Variants in PXDN observed in about 807,000 individuals in gnomAD.
PXDN encodes peroxidasin, also known as peroxidasin homolog.
In PXDN, 77 loss-of-function variants were observed where a neutral mutation model predicts 140.3. The ratio of observed to expected loss-of-function variants is 0.55; its 90% CI spans 0.46 to 0.66. The LOEUF is 0.66. Ranked by LOEUF, PXDN falls within the 30% of genes least tolerant of loss-of-function variation. PXDN has a pLI of 0.00. For synonymous variants in PXDN, 911 were observed against 857.4 expected, an observed-to-expected ratio of 1.06 and a Z score of -1.09; for missense variants, 1,838 against 2,039.5, an observed-to-expected ratio of 0.90 and a Z score of 1.90.
chr2:1,639,383 TGATAG>T lies in PXDN; in HGVS notation c.3987_3991del (p.Tyr1330PhefsTer8), dbSNP rs759938778. Reference sequence around the variant, plus strand: ...CTCAAGAGACCGTCTGCCTCGGAAATGATAGGAAAAGGCATTGAACTGCCCCCTGG... The same window carrying T: ...CTCAAGAGACCGTCTGCCTCGGAAATGAAAAGGCATTGAACTGCCCCCTGG... On this transcript the variant is annotated frameshift_variant, in exon 20 of 23. Coordinates refer to ENST00000252804, the MANE Select transcript of PXDN (RefSeq NM_012293.3). LOFTEE classifies it high-confidence loss of function. The surrounding 1 kb of genome is among the most constrained non-coding windows in gnomAD (Gnocchi z 5.0). 1.9e-6 allele frequency: 3 copies of T among 1,613,998 alleles called. No individual in the cohort carries two copies. The highest frequency in any genetic ancestry group is 2.5e-6 in the Non-Finnish European group (3 of 1,179,866).
chr2:1,648,238 G>A lies in PXDN; in HGVS notation c.3542C>T (p.Ala1181Val), dbSNP rs536136666. The change falls in exon 17 of 23, where the codon GCG (alanine) becomes GTG (valine). Residue 1181 changes from alanine (A) to valine (V), a missense_variant. By Grantham distance (64) the Ala-to-Val change is moderately conservative. This residue lies in a region of PXDN where 850 missense variants were observed against 894.1 expected (regional missense o/e 0.95). Coordinates refer to ENST00000252804, the MANE Select transcript of PXDN (RefSeq NM_012293.3). This position sits in a 1 kb window ranked among gnomAD's most constrained non-coding sequence, Gnocchi z 8.9. Reference protein sequence around the residue: ...HDYRVYCNLSAAHTFEDLKNE... With the variant: ...HDYRVYCNLSVAHTFEDLKNE... ...TTTCAGGTCCTCGAACGTGTGTGCC[G>A]CCGATAGATTGCAGTAGACCCTGTA... The A allele has an allele frequency of 1.5e-5, 24 of 1,613,898 alleles. No individual in the cohort carries two copies. Among genetic ancestry groups the A allele is most frequent in the Middle Eastern group, 3.3e-4 (2 of 6,062 alleles).
chr2:1,638,821 G>A (rs748399775), intron 21 of PXDN, 25 bp downstream of exon 21: 1 of 1,613,776 alleles, frequency 6.2e-7, no homozygotes, highest in Non-Finnish European at 8.5e-7. Flanking sequence ...TGGAGTGGGG[G>A]GACACAGGCC....
Position 1,679,888 on chromosome 2 carries a change from ATAAATGGTGTGTGTG to A in PXDN, c.730+290_730+304del, listed in dbSNP as rs1285314220. On this transcript the variant is annotated intron_variant, in intron 7 of 22. Coordinates refer to ENST00000252804, the MANE Select transcript of PXDN (RefSeq NM_012293.3). ...GGTTTGTGTCTGCATGTGTGTGTCTATAAATGGTGTGTGTGTAAATGGTGTGTGTGTGGATGGTGT... is the reference window on the plus strand; with the variant it reads ...GGTTTGTGTCTGCATGTGTGTGTCTATAAATGGTGTGTGTGTGGATGGTGT... 1.4e-4 allele frequency among the ~76,000 whole-genome samples: 19 copies of A among 131,202 alleles called. No individual in the cohort carries two copies. In the East Asian group the frequency reaches 2.2e-3, roughly 15 times the overall value. 86.1% of individuals were successfully genotyped at this position (131,202 alleles called of 152,430 possible).
chr2:1,734,455 T>C (rs1685385316), intron 1 of PXDN, among the ~76,000 whole-genome samples: 1 of 152,212 alleles, frequency 6.6e-6, no homozygotes, highest in Non-Finnish European at 1.5e-5. Context: ...CGGCAATTTC[T>C]GAAAATAAGA....
chr2:1,715,015 T>TA (rs1391360799), intron 1 of PXDN, among the ~76,000 whole-genome samples: 2 of 152,094 alleles, frequency 1.3e-5, no homozygotes, highest in Admixed American at 6.6e-5. Context: ...ATCCCCGGCT[T>TA]ACAAATAAAC....
chr2:1,668,065 C>T (rs1683487642), intron 9 of PXDN, among the ~76,000 whole-genome samples: 1 of 152,174 alleles, frequency 6.6e-6, no homozygotes, highest in Non-Finnish European at 1.5e-5. Context: ...TACAAGGCTA[C>T]AGGAACCAAA....
chr2:1,680,628 G>C (rs1383454831), intron 6 of PXDN, among the ~76,000 whole-genome samples: 1 of 152,224 alleles, frequency 6.6e-6, no homozygotes, highest in Non-Finnish European at 1.5e-5. Context: ...GAGTAGCATA[G>C]GGCTTGTGCA....
intron 1 of PXDN, among the ~76,000 whole-genome samples, chr2:1,730,518 C>T (rs1572200798): frequency 6.6e-6 from 1 of 152,180 alleles, no homozygotes; most frequent in African/African-American, 2.4e-5. Flanking sequence ...ACAGGAAGAG[C>T]CGGGGCTCCT....
At chr2:1,643,083 AG>A (rs1412008581) in intron 19 of PXDN, among the ~76,000 whole-genome samples, 1 of 152,334 alleles carries the variant, frequency 6.6e-6, no homozygotes, top group East Asian at 1.9e-4. Context: ...AGGAAAAATT[AG>A]GGGCACATCT....
chr2:1,695,711 C>T (rs1379474692), intron 1 of PXDN, among the ~76,000 whole-genome samples: 1 of 61,494 alleles, frequency 1.6e-5, no homozygotes, highest in Non-Finnish European at 3.1e-5. Context: ...CTGTCCCATC[C>T]ACAGGCCCCT....
intron 1 of PXDN, among the ~76,000 whole-genome samples, chr2:1,718,084 C>T (rs904591005): frequency 6.6e-6 from 1 of 151,790 alleles, no homozygotes; most frequent in Admixed American, 6.6e-5. Flanking sequence ...CTCCACTAAC[C>T]GACCACCCAA....
intron 8 of PXDN, among the ~76,000 whole-genome samples, chr2:1,675,455 G>C (rs138844054): frequency 6.6e-6 from 1 of 152,190 alleles, no homozygotes; most frequent in Non-Finnish European, 1.5e-5. Context: ...AATTCCTCCA[G>C]TGTTCTCTGG....
intron 1 of PXDN, among the ~76,000 whole-genome samples, chr2:1,701,902 G>GA: frequency 6.6e-6 from 1 of 152,260 alleles, no homozygotes; most frequent in East Asian, 1.9e-4. Flanking sequence ...TCCCTTCTCT[G>GA]AACCCGGGTG....
chr2:1,709,268 G>A (rs1314846385), intron 1 of PXDN, among the ~76,000 whole-genome samples: 6 of 152,168 alleles, frequency 3.9e-5, no homozygotes, highest in South Asian at 4.1e-4. Flanking sequence ...TGACCACGGC[G>A]CTCGCTGCAG....
chr2:1,678,072 G>A (rs567631368), intron 7 of PXDN, among the ~76,000 whole-genome samples: 26 of 152,270 alleles, frequency 1.7e-4, no homozygotes, highest in Admixed American at 2.6e-4. Context: ...TGCACAGCCC[G>A]GGTCAGGAGG....
chr2:1,681,563 G>A (rs962956651), intron 6 of PXDN, among the ~76,000 whole-genome samples: 3 of 152,114 alleles, frequency 2.0e-5, no homozygotes, highest in Non-Finnish European at 1.5e-5. Context: ...GCTGGCTCCA[G>A]GAGGGGAAGG....
chr2:1,706,687 C>T (rs1558518609), intron 1 of PXDN, among the ~76,000 whole-genome samples: 1 of 85,002 alleles, frequency 1.2e-5, no homozygotes, highest in Non-Finnish European at 2.3e-5. Flanking sequence ...ATCGCCTGCC[C>T]CACTAATAAT....
intron 17 of PXDN, among the ~76,000 whole-genome samples, chr2:1,647,439 C>T (rs545954550): frequency 2.6e-5 from 4 of 152,302 alleles, no homozygotes; most frequent in Admixed American, 2.6e-4. Flanking sequence ...GCTGTGGTCA[C>T]TGCTTTGCCT....
chr2:1,657,611 G>A (rs1683176129), intron 14 of PXDN, among the ~76,000 whole-genome samples: 2 of 150,724 alleles, frequency 1.3e-5, no homozygotes, highest in South Asian at 4.2e-4. Context: ...CTCCTAACAG[G>A]GACCTGCCCC....
Sources: gnomAD v4.1 joint callset for allele counts (sites outside exome capture counted in the v4.1 genomes callset) on GRCh38, gnomAD v4.1.1 for gene constraint, gnomAD v4.1.1 regional missense constraint, Gnocchi (gnomAD v3.1) non-coding constraint, MANE v1.5 for transcripts, NCBI Gene and HGNC (gene_info 2026-07-23, HGNC 2026-07-21) for gene names.